Variants in SNX2 observed in about 807,000 individuals in gnomAD.
SNX2 encodes sorting nexin-2.
SNX2 carries 25 observed loss-of-function variants against 69.9 expected under a neutral mutation model. The ratio of observed to expected loss-of-function variants is 0.36; its 90% confidence interval spans 0.26 to 0.50. The LOEUF (loss-of-function observed/expected upper bound fraction) is 0.50. Among genes scored for constraint, SNX2 ranks in the 20% least tolerant of loss-of-function variants. SNX2 has a pLI of 0.97. For missense variants in SNX2, 551 were observed against 613.3 expected, an observed-to-expected ratio of 0.90 and a Z score of 1.07; for synonymous variants, 229 against 200.4, an observed-to-expected ratio of 1.14 and a Z score of -1.20.
At chr5:122,826,652 A>G (rs1171975064) in intron 12 of SNX2, 1 of 972,014 alleles carries the variant, frequency 1.0e-6, no homozygotes, top group African/African-American at 1.8e-5. Context: ...TTGAAGAGGT[A>G]GGACAACCTT....
chr5:122,781,519 A>T (rs1359287429), intron 1 of SNX2, among the ~76,000 whole-genome samples: 1 of 152,206 alleles, frequency 6.6e-6, no homozygotes, highest in Non-Finnish European at 1.5e-5. Context: ...TGCAGCGTAC[A>T]TACCTACAAA....
chr5:122,829,800 ACAC>A lies in SNX2; in HGVS notation c.*153_*155del. ...TACACACACACACACACACACACACACACACACACACTCTGACATTTTATTACA... is the reference window on the plus strand; with the variant it reads ...TACACACACACACACACACACACACAACACACACTCTGACATTTTATTACA... On this transcript the variant is annotated 3_prime_UTR_variant, in exon 15 of 15. Transcript: ENST00000379516. The A allele has an allele frequency of 1.8e-6, 1 of 549,932 alleles. No individual in the cohort carries two copies. The highest frequency in any genetic ancestry group is 3.2e-6 in the Non-Finnish European group (1 of 308,228). The allele number at this position is 549,932 out of a possible 1,614,324, so 34.1% of individuals were successfully genotyped here. A position where few individuals can be genotyped will look rare whatever the true frequency, so the allele number is the denominator to read the frequency against.
At chr5:122,827,480 T>G in intron 13 of SNX2, 21 bp downstream of exon 13, 1 of 1,609,870 alleles carries the variant, frequency 6.2e-7, no homozygotes, top group Non-Finnish European at 8.5e-7. Flanking sequence ...TAATTTTGCA[T>G]TTATCTTAAC....
At chr5:122,802,833 G>A in intron 5 of SNX2, among the ~76,000 whole-genome samples, 1 of 152,130 alleles carries the variant, frequency 6.6e-6, no homozygotes. Context: ...AGTTATGTAG[G>A]CGGTAGAATT....
At chr5:122,794,546 G>A (rs778428270) in intron 1 of SNX2, among the ~76,000 whole-genome samples, 3 of 152,134 alleles carry the variant, frequency 2.0e-5, no homozygotes, top group Non-Finnish European at 4.4e-5. Context: ...GGGCATATCT[G>A]CCCCCACCAG....
At chr5:122,806,142 G>GCGCACGCGCGCGCACACACACACACA in intron 6 of SNX2, among the ~76,000 whole-genome samples, 50 of 130,652 alleles carry the variant, frequency 3.8e-4, no homozygotes, top group Non-Finnish European at 5.4e-4. Context: ...ACACGCGCGC[G>GCGCACGCGCGCGCACACACACACACA]CACACACACA....
intron 2 of SNX2, among the ~76,000 whole-genome samples, chr5:122,798,463 G>A (rs548660190): frequency 1.8e-4 from 27 of 152,228 alleles, no homozygotes; most frequent in Admixed American, 8.5e-4. Context: ...AAATGTTGAC[G>A]TGTATAACCT....
intron 1 of SNX2, among the ~76,000 whole-genome samples, chr5:122,789,474 G>GAC (rs60199625): frequency 0.24 from 35,288 of 144,562 alleles, 4,497 homozygotes; most frequent in East Asian, 0.44. Flanking sequence ...GACACACACG[G>GAC]ACACACACAC....
At position 122,821,347 on chromosome 5, in the gene SNX2, C is replaced by T. The variant is rs554326784; in HGVS notation, c.1212+2324C>T. ...TTTATTCCTTCCATCCCCTTCTCTC[C>T]CTCCCTTCCTTTCTCAAAAAGGAAT... On this transcript the variant is annotated intron_variant, in intron 11 of 14. Coordinates refer to ENST00000379516, the MANE Select transcript of SNX2 (RefSeq NM_003100.4). Among the ~76,000 whole-genome samples, 5 of 152,248 alleles carry T rather than the reference C, an allele frequency of 3.3e-5. No individual in the cohort carries two copies. In the South Asian group the frequency reaches 1.0e-3, roughly 32 times the overall value.
intron 6 of SNX2, among the ~76,000 whole-genome samples, chr5:122,804,580 T>TC (rs200599977): frequency 6.6e-6 from 1 of 151,946 alleles, no homozygotes; most frequent in Admixed American, 6.6e-5. Flanking sequence ...TATTGGCCTG[T>TC]CTGGTCTTGA....
chr5:122,794,321 A>G (rs1281570558), intron 1 of SNX2, among the ~76,000 whole-genome samples: 6 of 144,232 alleles, frequency 4.2e-5, no homozygotes, highest in Non-Finnish European at 9.1e-5. Flanking sequence ...AAAACAAACA[A>G]ACAAACAAAA....
Position 122,827,145 on chromosome 5 carries a change from A to G in SNX2, c.1357-234A>G, listed in dbSNP as rs917574492. ...TTGGACATTGTAGTTTATTAAGTAC[A>G]GTATTGAAATATCTTAATATTGAGC... On this transcript the variant is annotated intron_variant, in intron 12 of 14. Coordinates refer to ENST00000379516, the MANE Select transcript of SNX2 (RefSeq NM_003100.4). Among the ~76,000 whole-genome samples the G allele has an allele frequency of 2.6e-5, 4 of 152,134 alleles. No homozygotes were observed. In the South Asian group the frequency reaches 6.2e-4, roughly 24 times the overall value.
chr5:122,807,789 A>T (rs1450247087), intron 6 of SNX2, among the ~76,000 whole-genome samples: 4 of 152,204 alleles, frequency 2.6e-5, no homozygotes. Context: ...ATGCTCTTAG[A>T]ATCTGCAGGA....
chr5:122,815,262 G>A (rs761398463), intron 7 of SNX2, among the ~76,000 whole-genome samples: 1 of 151,762 alleles, frequency 6.6e-6, no homozygotes, highest in Non-Finnish European at 1.5e-5. Flanking sequence ...ATTTTGTATG[G>A]TATCAAATTA....
intron 1 of SNX2, among the ~76,000 whole-genome samples, chr5:122,776,372 A>C (rs1227636037): frequency 2.0e-5 from 3 of 152,092 alleles, no homozygotes; most frequent in African/African-American, 7.2e-5. Context: ...GGTTTTCTGC[A>C]GCTTAGTGTT....
intron 3 of SNX2, among the ~76,000 whole-genome samples, chr5:122,800,153 A>G (rs1753475922): frequency 6.6e-6 from 1 of 152,160 alleles, no homozygotes; most frequent in Non-Finnish European, 1.5e-5. Context: ...TGAAAACTTA[A>G]TCACAATAAA....
intron 2 of SNX2, 124 bp downstream of exon 2, chr5:122,795,507 T>C: frequency 1.5e-6 from 1 of 651,498 alleles, no homozygotes; most frequent in East Asian, 2.8e-5. Flanking sequence ...TGTAACAACT[T>C]AGAAGGATGG....
At position 122,798,042 on chromosome 5, in the gene SNX2, C is replaced by A. The variant is rs144168109; in HGVS notation, c.227-1650C>A. ...AGTTACTATCTCTCACAATATTTTG[C>A]CTGTGAGTCTGTTGCCAAAGAACAG... On this transcript the variant is annotated intron_variant, in intron 2 of 14. Transcript: ENST00000379516. Among the ~76,000 whole-genome samples the A allele has an allele frequency of 8.6e-3, 1,309 of 152,206 alleles. 21 individuals carry two copies. Among genetic ancestry groups the A allele is most frequent in the African/African-American group, 0.03 (1,246 of 41,528 alleles).
intron 7 of SNX2, among the ~76,000 whole-genome samples, chr5:122,809,887 A>G (rs1199531678): frequency 6.6e-6 from 1 of 152,224 alleles, no homozygotes; most frequent in African/African-American, 2.4e-5. Flanking sequence ...AGTTACCCAG[A>G]AAAAGGATTT....
Sources: gnomAD v4.1 joint callset for allele counts (sites outside exome capture counted in the v4.1 genomes callset) on GRCh38, gnomAD v4.1.1 for gene constraint, MANE v1.5 for transcripts, NCBI Gene and HGNC (gene_info 2026-07-23, HGNC 2026-07-21) for gene names.